Variants in PLCH1 observed in about 807,000 individuals in gnomAD.
The protein encoded by PLCH1 is 1-phosphatidylinositol 4,5-bisphosphate phosphodiesterase eta-1.
PLCH1 carries 60 observed loss-of-function variants against 126.7 expected under a neutral mutation model. The observed-to-expected ratio is 0.47, with a 90% CI of 0.38 to 0.59. The LOEUF (loss-of-function observed/expected upper bound fraction) is 0.59, where lower values mean the gene tolerates loss of function less well. Among genes scored for constraint, PLCH1 ranks in the 20% least tolerant of loss-of-function variants. The pLI, the probability that PLCH1 is intolerant of heterozygous loss-of-function variation, is 0.00. For missense variants in PLCH1, 1,723 were observed against 2,040.0 expected (o/e 0.84, Z 2.99); for synonymous variants, 719 against 734.9 (o/e 0.98, Z 0.35).
At position 155,458,367 on chromosome 3, in the gene PLCH1, GAAGA is replaced by G. The variant is rs1471667031; in HGVS notation, c.2938+26985_2938+26988del. On this transcript the variant is annotated intron_variant, in intron 21 of 21. Transcript: ENST00000494598. Reference sequence around the variant, plus strand: ...AAAAAAAAAAAAAAAAAGAAAGAAAGAAGAAAGAAAGAAAGAAAGAAGGAAGGAA... The same window carrying G: ...AAAAAAAAAAAAAAAAAGAAAGAAAGAAGAAAGAAAGAAAGAAGGAAGGAA... Among the ~76,000 whole-genome samples, 141 of 115,896 alleles carry G rather than the reference GAAGA, an allele frequency of 1.2e-3. 6 individuals carry two copies. Among genetic ancestry groups the G allele is most frequent in the African/African-American group, 2.9e-3 (82 of 28,356 alleles). 76.0% of individuals were successfully genotyped at this position (115,896 alleles called of 152,430 possible).
intron 2 of PLCH1, among the ~76,000 whole-genome samples, chr3:155,654,459 T>C (rs528478711): frequency 6.6e-6 from 1 of 152,290 alleles, no homozygotes; most frequent in African/African-American, 2.4e-5. Context: ...CCTGTACATC[T>C]AATCGATATC....
intron 2 of PLCH1, among the ~76,000 whole-genome samples, chr3:155,640,972 A>G (rs1247939318): frequency 1.3e-5 from 2 of 152,170 alleles, no homozygotes; most frequent in Admixed American, 6.5e-5. Context: ...ATATTTTGCT[A>G]ATTTCACAAA....
intron 18 of PLCH1, 101 bp from the exon 19 acceptor site, chr3:155,490,969 C>A: frequency 1.5e-6 from 1 of 664,872 alleles, no homozygotes; most frequent in Non-Finnish European, 2.6e-6. Flanking sequence ...TCGACAGCAA[C>A]TGATTTTACA....
rs1333983680 is a variant in PLCH1, at chr3:155,481,510, T to C, written c.4516A>G (p.Ile1506Val). The change falls in exon 23 of 23, where the codon ATT (isoleucine) becomes GTT (valine). Residue 1506 changes from isoleucine (I) to valine (V), a missense_variant. Ile to Val is a conservative substitution (Grantham distance 29, BLOSUM62 3). Coordinates refer to ENST00000460012, the MANE Select transcript of PLCH1 (RefSeq NM_014996.4). This position sits in a 1 kb window ranked among gnomAD's most constrained non-coding sequence, Gnocchi z 4.2. ...CCAGTTGTAACAAAACTCTTACTAA[T>C]ACACTGGTACTTGCTCTCAAAATTG... is the stretch of plus-strand genomic sequence containing the variant. ...ACNFESKYQC[I>V]SKSFVTTGIR... is the part of the protein sequence containing the mutation. 6.2e-7 allele frequency: 1 copy of C among 1,614,158 alleles called. No individual in the cohort carries two copies. The highest frequency in any genetic ancestry group is 2.2e-5 in the East Asian group (1 of 44,880).
intron 2 of PLCH1, among the ~76,000 whole-genome samples, chr3:155,598,157 C>G (rs1733226507): frequency 6.6e-6 from 1 of 151,884 alleles, no homozygotes; most frequent in Non-Finnish European, 1.5e-5. Context: ...GCACTCCAGC[C>G]TGGGCAACAG....
At chr3:155,534,335 G>A (rs765899890) in intron 10 of PLCH1, among the ~76,000 whole-genome samples, 2 of 152,188 alleles carry the variant, frequency 1.3e-5, no homozygotes, top group Non-Finnish European at 2.9e-5. Flanking sequence ...AAGATTTAAT[G>A]AGTGCCCTGT....
rs192509241 is a variant in PLCH1 at position 155,498,211 on chromosome 3, C to T, written c.1797-794G>A. On this transcript the variant is annotated intron_variant, in intron 14 of 22. Transcript: ENST00000460012. The stretch of plus-strand genomic sequence containing the variant: ...TTATGTTCAAGTAACTCTTATTTTA[C>T]TTAATAATGGCCCTAAAGTGCGGGA... Among the ~76,000 whole-genome samples the T allele has an allele frequency of 1.3e-3, 202 of 152,280 alleles. 2 individuals are homozygous for T. In the East Asian group the frequency reaches 0.025, roughly 19 times the overall value.
chr3:155,715,089 T>C (rs1747409219), intron 1 of PLCH1, among the ~76,000 whole-genome samples: 1 of 152,220 alleles, frequency 6.6e-6, no homozygotes, highest in Non-Finnish European at 1.5e-5. Context: ...ATTTATTCAT[T>C]TTCTCTAAGC....
chr3:155,662,041 A>G (rs766278631), intron 2 of PLCH1, among the ~76,000 whole-genome samples: 15 of 152,200 alleles, frequency 9.9e-5, no homozygotes, highest in Admixed American at 6.5e-4. Context: ...GTCACCTTCC[A>G]TATTCTGGTT....
intron 2 of PLCH1, among the ~76,000 whole-genome samples, chr3:155,677,505 G>C (rs1028319271): frequency 6.6e-6 from 1 of 152,082 alleles, no homozygotes; most frequent in African/African-American, 2.4e-5. Flanking sequence ...ATACAAAATA[G>C]CCATTAAGAG....
chr3:155,462,306 C>A (rs1712759854), intron 21 of PLCH1, among the ~76,000 whole-genome samples: 1 of 152,112 alleles, frequency 6.6e-6, no homozygotes, highest in Non-Finnish European at 1.5e-5. Flanking sequence ...CCTGCAGCAA[C>A]TATTATGTGA....
At chr3:155,472,607 C>T (rs1304029479) in intron 21 of PLCH1, among the ~76,000 whole-genome samples, 7 of 151,930 alleles carry the variant, frequency 4.6e-5, no homozygotes, top group African/African-American at 1.2e-4. Context: ...ATACCAAAGC[C>T]GGGCAGAGAC....
rs550620762 is a variant in PLCH1 at position 155,514,846 on chromosome 3, T to C, written c.1509A>G (p.Ile503Met). The C allele has an allele frequency of 9.9e-6, 16 of 1,611,304 alleles. No individual in the cohort carries two copies. The Admixed American group carries it at 2.3e-4, about 24-fold the overall frequency. The change falls in exon 12 of 23, where the codon ATA (isoleucine) becomes ATG (methionine). Residue 503 changes from isoleucine (I) to methionine (M), a missense_variant. Transcript: ENST00000460012. ...TTAACAGTGACTCCAGTTTTTTCCTTATGAAAGATTCCACCTGATGCTCAG... is the reference window on the plus strand; with the variant it reads ...TTAACAGTGACTCCAGTTTTTTCCTCATGAAAGATTCCACCTGATGCTCAG... The part of the protein sequence containing the change: ...GTTEHQVESF[I>M]RKKLESLLKE...
At chr3:155,679,310 A>T (rs1481359082) in intron 2 of PLCH1, among the ~76,000 whole-genome samples, 2 of 152,070 alleles carry the variant, frequency 1.3e-5, no homozygotes, top group African/African-American at 2.4e-5. Context: ...CTGACAACAC[A>T]ATGGGGGTGG....
At chr3:155,586,594 C>T (rs974468148) in intron 4 of PLCH1, among the ~76,000 whole-genome samples, 1 of 151,910 alleles carries the variant, frequency 6.6e-6, no homozygotes, top group Non-Finnish European at 1.5e-5. Context: ...GTAATCCCAG[C>T]AACTTGTGAG....
intron 10 of PLCH1, among the ~76,000 whole-genome samples, chr3:155,545,259 C>A (rs1179334235): frequency 6.0e-5 from 9 of 150,334 alleles, no homozygotes; most frequent in African/African-American, 2.2e-4. Flanking sequence ...ACTACAAACA[C>A]CTCTACGCAA....
chr3:155,659,347 A>T (rs1741841434), intron 2 of PLCH1, among the ~76,000 whole-genome samples: 2 of 60,018 alleles, frequency 3.3e-5, no homozygotes, highest in Non-Finnish European at 6.1e-5. Context: ...TTTTTTTCCG[A>T]GATAGGGTTT....
At chr3:155,562,363 C>G (rs1277747177) in intron 8 of PLCH1, among the ~76,000 whole-genome samples, 1 of 152,124 alleles carries the variant, frequency 6.6e-6, no homozygotes, top group Non-Finnish European at 1.5e-5. Context: ...TTATTTGAGT[C>G]TTCTAGTCTC....
chr3:155,691,152 A>G (rs1452255613), intron 2 of PLCH1, among the ~76,000 whole-genome samples: 1 of 152,220 alleles, frequency 6.6e-6, no homozygotes, highest in Non-Finnish European at 1.5e-5. Flanking sequence ...AAAACCCTGG[A>G]TTTGAGAGTC....
Sources: gnomAD v4.1 joint callset for allele counts (sites outside exome capture counted in the v4.1 genomes callset) on GRCh38, gnomAD v4.1.1 for gene constraint, Gnocchi (gnomAD v3.1) non-coding constraint, MANE v1.5 for transcripts, NCBI Gene and HGNC (gene_info 2026-07-23, HGNC 2026-07-21) for gene names.